ALPP: variants seen among roughly 807,000 people sequenced by gnomAD.
The protein encoded by ALPP is alkaline phosphatase, placental type.
In ALPP, 39 loss-of-function variants were observed where a neutral mutation model predicts 50.7. The observed-to-expected ratio is 0.77, with a 90% CI of 0.60 to 1.00. ALPP has a LOEUF of 1.00. Among genes scored for constraint, ALPP ranks in the 50% least tolerant of loss-of-function variants. The pLI is 0.00. For synonymous variants in ALPP, 226 were observed against 320.3 expected (o/e 0.71, Z 3.14); for missense variants, 550 against 746.8 (o/e 0.74, Z 3.07).
chr2:232,379,171 C>G (rs1440974937), intron 2 of ALPP, 29 bp from the exon 3 acceptor site: 21 of 1,613,980 alleles, frequency 1.3e-5, no homozygotes, highest in East Asian at 4.5e-5. Flanking sequence ...GCCCTGGGGC[C>G]CAAGCCTCAC....
rs1395093228 is a variant in ALPP at position 232,380,480 on chromosome 2, A to T, written c.853A>T (p.Thr285Ser). 2 of 1,613,450 alleles carry T rather than the reference A, an allele frequency of 1.2e-6. No individual in the cohort carries two copies. The highest frequency in any genetic ancestry group is 1.7e-6 in the Non-Finnish European group (2 of 1,179,894). Residue 285 changes from threonine to serine, a missense_variant, in exon 7 of 11, where the codon ACC (threonine) becomes TCC (serine). Physicochemically the swap from Thr to Ser is moderately conservative, Grantham distance 58. Coordinates refer to ENST00000392027, the MANE Select transcript of ALPP (RefSeq NM_001632.5). ...LMQASLDPSV[T>S]HLMGLFEPGD... ...GCAGGCTTCCCTGGACCCGTCTGTG[A>T]CCCATCTCATGGGTAATGACCCCCT...
In ALPP at chr2:232,379,819, C is replaced by A; in HGVS notation, c.540C>A (p.Gly180=). 6.2e-7 allele frequency: 1 copy of A among 1,613,906 alleles called. No homozygotes were observed. The highest frequency in any genetic ancestry group is 8.5e-7 in the Non-Finnish European group (1 of 1,180,038). The change falls in exon 5 of 11, where the codon GGC becomes GGA. Residue 180 remains glycine, a synonymous_variant. Transcript: ENST00000392027. ...TTRVQHASPA[G]TYAHTVNRNW... is the part of the protein sequence containing the mutation. ...GAGTGCAGCACGCCTCGCCAGCCGG[C>A]ACCTACGCCCACACGGTGAACCGCA... is the stretch of plus-strand genomic sequence containing the variant.
At chr2:232,381,424 G>A in intron 10 of ALPP, 57 bp downstream of exon 10, 2 of 1,612,732 alleles carry the variant, frequency 1.2e-6, no homozygotes, top group Non-Finnish European at 1.7e-6. Context: ...ATGGGGGGCT[G>A]GCGGGAAGGG....
rs2853374 is a variant in ALPP, at chr2:232,379,876, C to T, written c.597C>T (p.Ser199=). Residue 199 remains serine (S), a synonymous_variant, in exon 5 of 11, where the codon TCC becomes TCT. Transcript: ENST00000392027. The stretch of plus-strand genomic sequence containing the variant: ...ACTCGGACGCCGACGTGCCTGCCTC[C>T]GCCCGCCAGGAGGGGTGCCAGGACA... ...NWYSDADVPA[S]ARQEGCQDIA... 14 of 1,613,176 alleles carry T rather than the reference C, an allele frequency of 8.7e-6. No individual in the cohort carries two copies. The highest frequency in any genetic ancestry group is 1.7e-5 in the Admixed American group (1 of 59,978).
Position 232,379,932 on chromosome 2 carries a change from T to G in ALPP, c.653T>G (p.Ile218Ser). 1 of 1,604,824 alleles carries G rather than the reference T, an allele frequency of 6.2e-7. No individual in the cohort carries two copies. Among genetic ancestry groups the G allele is most frequent in the Non-Finnish European group, 8.5e-7 (1 of 1,175,314 alleles). The change falls in exon 5 of 11, where the codon ATT becomes AGT. Residue 218 changes from isoleucine to serine, a missense_variant. By Grantham distance (142) the Ile-to-Ser change is moderately radical. Around this residue, in one of 5 missense-constraint regions of ALPP, gnomAD observed 376 missense variants for 388.5 expected, o/e 0.97. Coordinates refer to ENST00000392027, the MANE Select transcript of ALPP (RefSeq NM_001632.5). ...ACGCAGCTCATCTCCAACATGGACA[T>G]TGACGTGCGACCCCCAGGCCAAGGG... ...IATQLISNMD[I>S]DVILGGGRKY...
rs974936224 is a variant in ALPP, at chr2:232,382,077, C to A, written c.*282C>A. 30 of 582,612 alleles carry A rather than the reference C, an allele frequency of 5.1e-5. No individual in the cohort carries two copies. The African/African-American group carries it at 5.5e-4, about 11-fold the overall frequency. The allele number at this position is 582,612 out of a possible 1,614,324, so 36.1% of individuals were successfully genotyped here. ...AAAGGAGGGGGCTCAGGCCATCCAG[C>A]CACCACCTACAGCCCAGTGGGTACC... On this transcript the variant is annotated 3_prime_UTR_variant, in exon 11 of 11. Coordinates refer to ENST00000392027, the MANE Select transcript of ALPP (RefSeq NM_001632.5).
intron 4 of ALPP, 33 bp from the exon 5 acceptor site, chr2:232,379,731 T>G (rs749461979): frequency 6.2e-7 from 1 of 1,614,042 alleles, no homozygotes; most frequent in Non-Finnish European, 8.5e-7. Context: ...GTCACAGACG[T>G]TGGTCACATA....
rs140078460 is a variant in ALPP, at chr2:232,379,513, A to C, written c.310A>C (p.Thr104Pro). ...GAGCTCAGAGTGTCTCTGTCCCCAG[A>C]CATACAATGTAGACAAACATGTGCC... Reference protein sequence around the residue: ...DRFPYVALSKTYNVDKHVPDS... With the variant: ...DRFPYVALSKPYNVDKHVPDS... The change falls in exon 4 of 11, where the codon ACA (threonine) becomes CCA (proline). Residue 104 changes from threonine to proline, a missense_variant and splice_region_variant. By Grantham distance (38) the Thr-to-Pro change is conservative (BLOSUM62 -1). Coordinates refer to ENST00000392027, the MANE Select transcript of ALPP (RefSeq NM_001632.5). The C allele has an allele frequency of 4.8e-4, 770 of 1,614,040 alleles. 4 individuals carry two copies. The East Asian group carries it at 5.0e-3, about 10-fold the overall frequency.
chr2:232,379,616 C>T lies in ALPP; in HGVS notation c.413C>T (p.Ala138Val), dbSNP rs137880726. Residue 138 changes from alanine to valine, a missense_variant, in exon 4 of 11, where the codon GCC (alanine) becomes GTC (valine). This residue lies in a region of ALPP where 376 missense variants were observed against 388.5 expected (regional missense o/e 0.97). Coordinates refer to ENST00000392027, the MANE Select transcript of ALPP (RefSeq NM_001632.5). ...NFQTIGLSAAARFNQCNTTRG... is the reference protein window; with the variant it reads ...NFQTIGLSAAVRFNQCNTTRG... ...CAGACCATTGGCTTGAGTGCAGCCG[C>T]CCGCTTTAACCAGTGCAACACGACA... The T allele has an allele frequency of 1.4e-4, 229 of 1,613,848 alleles. 1 individual carries two copies. The highest frequency in any genetic ancestry group is 1.8e-4 in the Non-Finnish European group (214 of 1,180,006).
intron 7 of ALPP, 59 bp downstream of exon 7, chr2:232,380,551 G>A: frequency 6.2e-7 from 1 of 1,613,940 alleles, no homozygotes; most frequent in African/African-American, 1.3e-5. Flanking sequence ...CACCTTCTGA[G>A]CCTGTGTGCA....
Position 232,380,336 on chromosome 2 carries a change from G to A in ALPP, c.792+16G>A, listed in dbSNP as rs201578205. 5.8e-3 allele frequency: 9,358 copies of A among 1,613,466 alleles called. 56 individuals are homozygous for A. Among genetic ancestry groups the A allele is most frequent in the Non-Finnish European group, 7.4e-3 (8,780 of 1,179,894 alleles). ...GAAGCGCCAGGTGATGGGGGCTGGC[G>A]GGTGCAGGGGGCACAGCAGGGGGAG... On this transcript the variant is annotated intron_variant, in intron 6 of 10. Coordinates refer to ENST00000392027, the MANE Select transcript of ALPP (RefSeq NM_001632.5).
At chr2:232,379,735 T>G in intron 4 of ALPP, 29 bp from the exon 5 acceptor site, 1 of 1,613,956 alleles carries the variant, frequency 6.2e-7, no homozygotes, top group Non-Finnish European at 8.5e-7. Flanking sequence ...CAGACGTTGG[T>G]CACATATACT....
chr2:232,381,344 C>T lies in ALPP; in HGVS notation c.1286C>T (p.Pro429Leu), dbSNP rs776552976. 11 of 1,614,054 alleles carry T rather than the reference C, an allele frequency of 6.8e-6. No homozygotes were observed. The highest frequency in any genetic ancestry group is 4.0e-5 in the African/African-American group (3 of 74,942). The change falls in exon 10 of 11, where the codon CCG becomes CTG. Residue 429 changes from proline to leucine, a missense_variant. By Grantham distance (98) the Pro-to-Leu change is moderately conservative. Coordinates refer to ENST00000392027, the MANE Select transcript of ALPP (RefSeq NM_001632.5). ...TATGTGCTCAAGGACGGCGCCCGGC[C>T]GGATGTTACCGAGAGCGAGAGCGGT... ...PGYVLKDGAR[P>L]DVTESESGSP...
Position 232,379,640 on chromosome 2 carries a change from C to T in ALPP, c.437C>T (p.Thr146Ile), listed in dbSNP as rs146026871. The T allele has an allele frequency of 6.2e-7, 1 of 1,613,930 alleles. No individual in the cohort carries two copies. The highest frequency in any genetic ancestry group is 8.5e-7 in the Non-Finnish European group (1 of 1,179,976). The change falls in exon 4 of 11, where the codon ACA (threonine) becomes ATA (isoleucine). Residue 146 changes from threonine (T) to isoleucine (I), a missense_variant. By Grantham distance (89) the Thr-to-Ile change is moderately conservative. Transcript: ENST00000392027. ...AAARFNQCNTTRGNEVISVMN... is the reference protein window; with the variant it reads ...AAARFNQCNTIRGNEVISVMN... ...GCCCGCTTTAACCAGTGCAACACGA[C>T]ACGCGGCAACGAGGTCATCTCCGTG...
At chr2:232,379,958 C>CTGGG (rs768878566) in intron 5 of ALPP, 22 bp downstream of exon 5, 1 of 1,591,638 alleles carries the variant, frequency 6.3e-7, no homozygotes, top group South Asian at 1.2e-5. Context: ...AGGCCAAGGG[C>CTGGG]TGGGGCTGGG....
chr2:232,381,385 G>A lies in ALPP; in HGVS notation c.1309+18G>A, dbSNP rs1435311128. The A allele has an allele frequency of 1.9e-6, 3 of 1,602,796 alleles. No individual in the cohort carries two copies. The highest frequency in any genetic ancestry group is 2.6e-6 in the Non-Finnish European group (3 of 1,170,990). ...CGAGAGCGGTGAGTGCCGCGGGGTGGCCCCCTGAGGGGGACCAGGGTGCCA... is the reference window on the plus strand; with the variant it reads ...CGAGAGCGGTGAGTGCCGCGGGGTGACCCCCTGAGGGGGACCAGGGTGCCA... On this transcript the variant is annotated intron_variant, in intron 10 of 10. Transcript: ENST00000392027.
chr2:232,380,229 C>T lies in ALPP; in HGVS notation c.701C>T (p.Thr234Ile). ...CGAAAGTACATGTTTCGCATGGGAA[C>T]CCCAGACCCTGAGTACCCAGATGAC... is the stretch of plus-strand genomic sequence containing the variant. ...GGRKYMFRMGTPDPEYPDDYS... is the reference protein window; with the variant it reads ...GGRKYMFRMGIPDPEYPDDYS... Residue 234 changes from threonine to isoleucine, a missense_variant, in exon 6 of 11, where the codon ACC becomes ATC. Coordinates refer to ENST00000392027, the MANE Select transcript of ALPP (RefSeq NM_001632.5). The T allele has an allele frequency of 1.9e-6, 3 of 1,614,116 alleles. No homozygotes were observed. The highest frequency in any genetic ancestry group is 1.7e-6 in the Non-Finnish European group (2 of 1,179,996).
At position 232,380,111 on chromosome 2, in the gene ALPP, C is replaced by A. The variant is rs1337379119; in HGVS notation, c.658-75C>A. 3.1e-6 allele frequency: 5 copies of A among 1,608,190 alleles called. No individual in the cohort carries two copies. In the East Asian group the frequency reaches 1.1e-4, roughly 36 times the overall value. ...TTCCCACAGCCTTGGGGAGGGGAGT[C>A]AGGGGCTGTGCATGAGGAGGGGGCA... On this transcript the variant is annotated intron_variant, in intron 5 of 10. Coordinates refer to ENST00000392027, the MANE Select transcript of ALPP (RefSeq NM_001632.5).
chr2:232,381,547 C>T lies in ALPP; in HGVS notation c.1360C>T (p.His454Tyr). ...QSAVPLDEETHAGEDVAVFAR... is the reference protein window; with the variant it reads ...QSAVPLDEETYAGEDVAVFAR... ...AGCAGTGCCCCTGGACGAAGAGACC[C>T]ACGCAGGCGAGGACGTGGCGGTGTT... The change falls in exon 11 of 11, where the codon CAC becomes TAC. Residue 454 changes from histidine (H) to tyrosine (Y), a missense_variant. Around this residue, in one of 5 missense-constraint regions of ALPP, gnomAD observed 155 missense variants for 167.6 expected, o/e 0.92. Coordinates refer to ENST00000392027, the MANE Select transcript of ALPP (RefSeq NM_001632.5). 1.2e-6 allele frequency: 2 copies of T among 1,613,216 alleles called. No individual in the cohort carries two copies. The highest frequency in any genetic ancestry group is 1.7e-6 in the Non-Finnish European group (2 of 1,179,860).
Sources: allele counts gnomAD v4.1 joint callset, GRCh38; gene constraint gnomAD v4.1.1; regional missense constraint gnomAD v4.1.1; transcripts MANE v1.5; gene names NCBI Gene and HGNC (gene_info 2026-07-23, HGNC 2026-07-21).